Variants in BLTP1 observed in about 807,000 individuals in gnomAD.
The protein encoded by BLTP1 is fragile site-associated protein.
the BLTP1 span, chr4:122,316,864 T>C: frequency 6.4e-7 from 1 of 1,560,746 alleles, no homozygotes; most frequent in Non-Finnish European, 8.7e-7. Flanking sequence ...TGATCTGAAG[T>C]ATGTACAATG....
the BLTP1 span, chr4:122,289,523 A>T: frequency 1.0e-6 from 1 of 984,346 alleles, no homozygotes; most frequent in East Asian, 1.1e-4. Flanking sequence ...CTAAGATTTC[A>T]ACCTTTTGTC....
At chr4:122,153,748 G>C in the BLTP1 span, among the ~76,000 whole-genome samples, 1 of 152,196 alleles carries the variant, frequency 6.6e-6, no homozygotes, top group Non-Finnish European at 1.5e-5. Context: ...TTAAACATAG[G>C]ATTTGATCTC....
the BLTP1 span, among the ~76,000 whole-genome samples, chr4:122,286,988 T>C: frequency 6.6e-6 from 1 of 152,170 alleles, no homozygotes; most frequent in African/African-American, 2.4e-5. Context: ...CCCTGTAGTT[T>C]TATTTACACA....
the BLTP1 span, among the ~76,000 whole-genome samples, chr4:122,259,726 G>A: frequency 6.6e-6 from 1 of 152,012 alleles, no homozygotes; most frequent in Non-Finnish European, 1.5e-5. Context: ...CGGGTGTGGT[G>A]GCAGGCGCCT....
the BLTP1 span, among the ~76,000 whole-genome samples, chr4:122,340,491 T>A: frequency 2.6e-5 from 4 of 152,206 alleles, no homozygotes; most frequent in South Asian, 8.3e-4. Context: ...TTGGAAAAAT[T>A]ATTACAAACT....
chr4:122,160,750 G>A, the BLTP1 span, among the ~76,000 whole-genome samples: 1 of 152,152 alleles, frequency 6.6e-6, no homozygotes, highest in Non-Finnish European at 1.5e-5. Context: ...CTTAGGCCAT[G>A]GCAAAGATAA....
At chr4:122,251,580 A>G in the BLTP1 span, 1 of 985,016 alleles carries the variant, frequency 1.0e-6, no homozygotes, top group African/African-American at 1.7e-5. Context: ...CTCACTGGAC[A>G]AAAGAGCTGA....
chr4:122,172,866 T>C, the BLTP1 span: 1 of 935,988 alleles, frequency 1.1e-6, no homozygotes, highest in Non-Finnish European at 1.3e-6. Context: ...ATTGCTCTAA[T>C]GGATCTGATC....
the BLTP1 span, among the ~76,000 whole-genome samples, chr4:122,259,638 G>A: frequency 6.6e-6 from 1 of 152,128 alleles, no homozygotes; most frequent in Non-Finnish European, 1.5e-5. Context: ...AAGGCGGGTG[G>A]ATCACAAGGT....
the BLTP1 span, chr4:122,152,398 C>T: frequency 2.0e-6 from 2 of 985,738 alleles, no homozygotes; most frequent in Non-Finnish European, 2.4e-6. Context: ...TCGGTGGCTG[C>T]GGCCAGGGTC....
the BLTP1 span, chr4:122,354,154 A>G: frequency 2.7e-6 from 2 of 739,512 alleles, no homozygotes; most frequent in Admixed American, 5.6e-5. Flanking sequence ...TGGCTGACAC[A>G]AGTAATAATT....
At chr4:122,178,020 A>T in the BLTP1 span, 10 of 688,080 alleles carry the variant, frequency 1.5e-5, no homozygotes, top group Non-Finnish European at 1.3e-5. Context: ...CTTAGTACAT[A>T]GAAGAACTCA....
the BLTP1 span, chr4:122,232,268 T>A: frequency 3.1e-6 from 1 of 318,580 alleles, no homozygotes; most frequent in Non-Finnish European, 4.5e-6. Flanking sequence ...GCCAAAGCGG[T>A]AGCCAGTCAT....
At chr4:122,223,971 C>T in the BLTP1 span, 16 of 970,802 alleles carry the variant, frequency 1.6e-5, no homozygotes, top group Admixed American at 1.2e-4. Context: ...CTTTGAAATA[C>T]GTGCTGCTTT....
At chr4:122,319,534 T>G in the BLTP1 span, among the ~76,000 whole-genome samples, 1 of 149,212 alleles carries the variant, frequency 6.7e-6, no homozygotes, top group African/African-American at 2.5e-5. Context: ...ATTTTATGAT[T>G]TATAATTTTT....
chr4:122,331,462 C>A, the BLTP1 span: 3 of 1,611,710 alleles, frequency 1.9e-6, no homozygotes, highest in Non-Finnish European at 2.5e-6. Context: ...ACTTGATATA[C>A]GGGTTGAAAT....
At chr4:122,232,721 G>A in the BLTP1 span, among the ~76,000 whole-genome samples, 16 of 152,196 alleles carry the variant, frequency 1.1e-4, no homozygotes, top group Non-Finnish European at 2.2e-4. Flanking sequence ...TTTATAGTAA[G>A]TGGAAGCAAG....
At chr4:122,225,288 C>G in the BLTP1 span, 2 of 153,366 alleles carry the variant, frequency 1.3e-5, no homozygotes, top group Non-Finnish European at 2.9e-5. Context: ...TCCCCCACCA[C>G]CCCTTTCACT....
the BLTP1 span, among the ~76,000 whole-genome samples, chr4:122,158,223 T>C: frequency 6.6e-6 from 1 of 152,172 alleles, no homozygotes; most frequent in African/African-American, 2.4e-5. Context: ...TTAGCCAATA[T>C]GAAAAAAGCA....
Sources: gnomAD v4.1 joint callset for allele counts (sites outside exome capture counted in the v4.1 genomes callset) on GRCh38, gnomAD v4.1.1 for gene constraint, MANE v1.5 for transcripts, NCBI Gene and HGNC (gene_info 2026-07-23, HGNC 2026-07-21) for gene names.